Variants in GPAM observed in about 807,000 individuals in gnomAD.
GPAM encodes the protein glycerol-3-phosphate acyltransferase, mitochondrial.
GPAM carries 56 observed loss-of-function variants against 105.0 expected under a neutral mutation model. That is an observed-to-expected ratio of 0.53 (90% CI 0.43 to 0.67). The LOEUF (loss-of-function observed/expected upper bound fraction) is 0.67, where lower values mean the gene tolerates loss of function less well. Ranked by LOEUF, GPAM falls within the 30% of genes least tolerant of loss-of-function variation. GPAM has a pLI of 0.00. For synonymous variants in GPAM, 368 were observed against 354.4 expected (o/e 1.04, Z -0.43); for missense variants, 855 against 989.8 (o/e 0.86, Z 1.83).
At chr10:112,214,148 A>G (rs1190890687) in intron 1 of GPAM, among the ~76,000 whole-genome samples, 7 of 152,170 alleles carry the variant, frequency 4.6e-5, no homozygotes, top group African/African-American at 1.7e-4. Flanking sequence ...ACTGTGGCTA[A>G]CAAAGCAGGG....
intron 21 of GPAM, chr10:112,153,998 A>T (rs766358669): frequency 8.5e-5 from 26 of 307,188 alleles, no homozygotes; most frequent in African/African-American, 3.3e-4. Flanking sequence ...GGCCGCTAGT[A>T]TCTCTATAGA....
rs1008146730 is a variant in GPAM at position 112,183,701 on chromosome 10, C to G, written c.-136G>C. ...GCCCTGGCAGTTCGCACCCTAGCAG[C>G]TCCAGCTTCGGCTGCTGCAGAAGCC... On this transcript the variant is annotated 5_prime_UTR_variant, in exon 1 of 22. Coordinates refer to ENST00000348367, the MANE Select transcript of GPAM (RefSeq NM_001244949.2). The G allele has an allele frequency of 6.6e-6, 1 of 152,554 alleles. No homozygotes were observed. The highest frequency in any genetic ancestry group is 2.4e-5 in the African/African-American group (1 of 41,484). The allele number at this position is 152,554 out of a possible 1,614,324, so 9.5% of individuals were successfully genotyped here.
At chr10:112,194,502 C>A (rs1217345710) in intron 1 of GPAM, among the ~76,000 whole-genome samples, 1 of 152,196 alleles carries the variant, frequency 6.6e-6, no homozygotes, top group Non-Finnish European at 1.5e-5. Flanking sequence ...CCCTAAAAAT[C>A]ACCATTGGTT....
Position 112,152,471 on chromosome 10 carries a change from G to T in GPAM, c.*1079C>A, listed in dbSNP as rs900698842. 3.0e-6 allele frequency: 3 copies of T among 985,258 alleles called. No homozygotes were observed. Among genetic ancestry groups the T allele is most frequent in the Non-Finnish European group, 3.6e-6 (3 of 829,814 alleles). The allele number at this position is 985,258 out of a possible 1,614,324, so 61.0% of individuals were successfully genotyped here. A position where few individuals can be genotyped will look rare whatever the true frequency, so the allele number is the denominator to read the frequency against. ...TGCCTCTAACCATTACCAGTCAGTA[G>T]GGCCACCACATGCATATACTGGACA... On this transcript the variant is annotated 3_prime_UTR_variant, in exon 22 of 22. Coordinates refer to ENST00000348367, the MANE Select transcript of GPAM (RefSeq NM_001244949.2).
At position 112,151,832 on chromosome 10, in the gene GPAM, G is replaced by C. The variant is rs1846925478; in HGVS notation, c.*1718C>G. 1 of 984,964 alleles carries C rather than the reference G, an allele frequency of 1.0e-6. No individual in the cohort carries two copies. Among genetic ancestry groups the C allele is most frequent in the Admixed American group, 6.1e-5 (1 of 16,262 alleles). 61.0% of individuals were successfully genotyped at this position (984,964 alleles called of 1,614,324 possible). ...TCCTCCAAATGTAGCCAAGAAAAGT[G>C]TTCTTCTACCCTAGTCAGTAAAATG... is the stretch of plus-strand genomic sequence containing the variant. On this transcript the variant is annotated 3_prime_UTR_variant, in exon 22 of 22. Transcript: ENST00000348367.
rs374327837 is a variant in GPAM at position 112,173,687 on chromosome 10, G to C, written c.560+12C>G. ...GCTGTGATTGAAAGCTTTCTGCCTT[G>C]CCTTTTAATACCTGATCATTGCCGG... On this transcript the variant is annotated intron_variant, in intron 7 of 21. Transcript: ENST00000348367. The C allele has an allele frequency of 6.8e-6, 11 of 1,612,862 alleles. No individual in the cohort carries two copies. The highest frequency in any genetic ancestry group is 9.3e-6 in the Non-Finnish European group (11 of 1,178,952).
At chr10:112,197,555 T>C (rs1349530618) in intron 1 of GPAM, among the ~76,000 whole-genome samples, 1 of 151,080 alleles carries the variant, frequency 6.6e-6, no homozygotes, top group African/African-American at 2.4e-5. Flanking sequence ...GTTACATATG[T>C]ATACATGTGC....
At chr10:112,177,002 C>T (rs1372288443) in intron 5 of GPAM, among the ~76,000 whole-genome samples, 1 of 152,108 alleles carries the variant, frequency 6.6e-6, no homozygotes, top group Non-Finnish European at 1.5e-5. Flanking sequence ...ATAAGGAAGA[C>T]TCTGAGATCC....
upstream of GPAM, among the ~76,000 whole-genome samples, chr10:112,188,267 TAG>T (rs1411139762): frequency 6.6e-6 from 1 of 152,128 alleles, no homozygotes; most frequent in Non-Finnish European, 1.5e-5. Flanking sequence ...AGAAAATCCA[TAG>T]AGTTAATGAA....
intron 5 of GPAM, among the ~76,000 whole-genome samples, chr10:112,177,400 A>G (rs1847426512): frequency 6.6e-6 from 1 of 152,176 alleles, no homozygotes; most frequent in Admixed American, 6.5e-5. Context: ...TGCCTCACAG[A>G]CATTCACACA....
At chr10:112,194,586 G>A (rs1431268013) in intron 1 of GPAM, among the ~76,000 whole-genome samples, 1 of 152,194 alleles carries the variant, frequency 6.6e-6, no homozygotes, top group Non-Finnish European at 1.5e-5. Flanking sequence ...AAAGCGTCTT[G>A]TCTTCTGGAA....
At chr10:112,200,715 T>C (rs201906326) in intron 1 of GPAM, among the ~76,000 whole-genome samples, 2 of 152,222 alleles carry the variant, frequency 1.3e-5, no homozygotes, top group East Asian at 3.9e-4. Context: ...GAAGGAGTCA[T>C]TCAAAATGGA....
Position 112,152,172 on chromosome 10 carries a change from C to G in GPAM, c.*1378G>C, listed in dbSNP as rs1326808393. On this transcript the variant is annotated 3_prime_UTR_variant, in exon 22 of 22. Coordinates refer to ENST00000348367, the MANE Select transcript of GPAM (RefSeq NM_001244949.2). ...CTAAATTCAAAGAATCTATGTAACACTCATCTGGAAAAATTCTTAATTCCA... is the reference window on the plus strand; with the variant it reads ...CTAAATTCAAAGAATCTATGTAACAGTCATCTGGAAAAATTCTTAATTCCA... 1.0e-6 allele frequency: 1 copy of G among 975,192 alleles called. No individual in the cohort carries two copies. Among genetic ancestry groups the G allele is most frequent in the African/African-American group, 1.8e-5 (1 of 56,960 alleles). The allele number at this position is 975,192 out of a possible 1,614,324, so 60.4% of individuals were successfully genotyped here.
chr10:112,164,029 T>C (rs1483981027), intron 13 of GPAM, among the ~76,000 whole-genome samples: 1 of 152,236 alleles, frequency 6.6e-6, no homozygotes, highest in East Asian at 1.9e-4. Context: ...AATAGTCTGT[T>C]GATACACCAC....
At chr10:112,201,914 C>T (rs898482430) in intron 1 of GPAM, among the ~76,000 whole-genome samples, 1 of 152,210 alleles carries the variant, frequency 6.6e-6, no homozygotes, top group Non-Finnish European at 1.5e-5. Context: ...ATTTATTGAG[C>T]ATTTACTCTG....
chr10:112,156,029 G>T lies in GPAM; in HGVS notation c.2146C>A (p.Gln716Lys). 2 of 1,612,940 alleles carry T rather than the reference G, an allele frequency of 1.2e-6. No individual in the cohort carries two copies. The highest frequency in any genetic ancestry group is 1.7e-4 in the Middle Eastern group (1 of 5,984). ...AGTCTCTGTAAGAAGGTGATAAACT[G>T]CTGGTGCTCCTTGGATTGGCTCACC... ...LKVSQSKEHQ[Q>K]FITFLQRLLG... Residue 716 changes from glutamine to lysine, a missense_variant, in exon 20 of 22, where the codon CAG becomes AAG. Physicochemically the swap from Gln to Lys is moderately conservative, Grantham distance 53. Transcript: ENST00000348367.
At chr10:112,187,592 A>T (rs983249682), upstream of GPAM, among the ~76,000 whole-genome samples, 17 of 152,190 alleles carry the variant, frequency 1.1e-4, no homozygotes, top group African/African-American at 4.1e-4. Context: ...AAGAAATTTT[A>T]AAAATCTACA....
Position 112,158,218 on chromosome 10 carries a change from A to G in GPAM, c.1980+98T>C, listed in dbSNP as rs1362583155. On this transcript the variant is annotated intron_variant, in intron 18 of 21. Coordinates refer to ENST00000348367, the MANE Select transcript of GPAM (RefSeq NM_001244949.2). ...AGTGCTGGGATTACAGGCACATGCC[A>G]CCATGCCTGGCCAATTATTGGTTTA... The G allele has an allele frequency of 3.4e-6, 3 of 870,294 alleles. No individual in the cohort carries two copies. In the African/African-American group the frequency reaches 4.9e-5, roughly 14 times the overall value. 53.9% of individuals were successfully genotyped at this position (870,294 alleles called of 1,614,324 possible). A position where few individuals can be genotyped will look rare whatever the true frequency, so the allele number is the denominator to read the frequency against.
chr10:112,191,999 G>A (rs1847665221), intron 1 of GPAM, among the ~76,000 whole-genome samples: 1 of 152,168 alleles, frequency 6.6e-6, no homozygotes, highest in Non-Finnish European at 1.5e-5. Flanking sequence ...GGAACTTTGA[G>A]TACCACGCAG....
Sources: gnomAD v4.1 joint callset for allele counts (sites outside exome capture counted in the v4.1 genomes callset) on GRCh38, gnomAD v4.1.1 for gene constraint, MANE v1.5 for transcripts, NCBI Gene and HGNC (gene_info 2026-07-23, HGNC 2026-07-21) for gene names.